The following PARG variants were observed in gnomAD, a reference collection of about 807,000 sequenced individuals.
The protein encoded by PARG is mitochondrial poly(ADP-ribose) glycohydrolase.
Under a neutral mutation model 113.0 loss-of-function variants are expected in PARG, and 35 were observed. That is an observed-to-expected ratio of 0.31 (90% CI 0.24 to 0.41). The LOEUF (loss-of-function observed/expected upper bound fraction) is 0.41. Ranked by LOEUF, PARG falls within the 10% of genes least tolerant of loss-of-function variation. PARG has a pLI of 1.00. For missense variants in PARG, 797 were observed against 1,169.4 expected, an observed-to-expected ratio of 0.68 and a Z score of 4.64; for synonymous variants, 330 against 409.9, an observed-to-expected ratio of 0.81 and a Z score of 2.36.
chr10:49,870,878 GA>G (rs1846760387), intron 9 of PARG, among the ~76,000 whole-genome samples: 1 of 71,180 alleles, frequency 1.4e-5, no homozygotes, highest in African/African-American at 5.2e-5. Flanking sequence ...CGCTGAGAGG[GA>G]AAAGTTAATT....
In PARG at chr10:49,828,092, C is replaced by CAAAAAAAAAAA. The variant is rs71026274; in HGVS notation, c.2647+4700_2647+4710dup. Among the ~76,000 whole-genome samples, 40 of 50,410 alleles carry CAAAAAAAAAAA rather than the reference C, an allele frequency of 7.9e-4. 12 individuals are homozygous for CAAAAAAAAAAA. Among genetic ancestry groups the CAAAAAAAAAAA allele is most frequent in the South Asian group, 2.0e-3 (2 of 1,022 alleles). The allele number at this position is 50,410 out of a possible 152,430, so 33.1% of individuals were successfully genotyped here. On this transcript the variant is annotated intron_variant, in intron 16 of 17. Coordinates refer to ENST00000616448, the MANE Select transcript of PARG (RefSeq NM_003631.5). Reference sequence around the variant, plus strand: ...TGAGACGAGATGTAGAAAGCTTAAACAAAAAAAAAAAAAAAAAAAAAAAAA... The same window carrying CAAAAAAAAAAA: ...TGAGACGAGATGTAGAAAGCTTAAACAAAAAAAAAAAAAAAAAAAAAAAAAAAAAAAAAAAA...
In PARG at chr10:49,846,746, ATGTGTGTGTG is replaced by A. The variant is rs35901101; in HGVS notation, c.2354-3124_2354-3115del. ...TATCAATATAAATTCACAGTTGTATATGTGTGTGTGTGTGTGTGTGTGTGTGTTTGTAACA... is the reference window on the plus strand; with the variant it reads ...TATCAATATAAATTCACAGTTGTATATGTGTGTGTGTGTGTGTTTGTAACA... On this transcript the variant is annotated intron_variant, in intron 13 of 17. Coordinates refer to ENST00000616448, the MANE Select transcript of PARG (RefSeq NM_003631.5). 1.6e-3 allele frequency among the ~76,000 whole-genome samples: 239 copies of A among 149,310 alleles called. 1 individual carries two copies. Among genetic ancestry groups the A allele is most frequent in the African/African-American group, 5.5e-3 (223 of 40,630 alleles).
Position 49,886,303 on chromosome 10 carries a change from C to G in PARG, c.1738-1008G>C, listed in dbSNP as rs2132657570. On this transcript the variant is annotated intron_variant, in intron 7 of 17. Coordinates refer to ENST00000616448, the MANE Select transcript of PARG (RefSeq NM_003631.5). Reference sequence around the variant, plus strand: ...ACAGACTCTTGACAAAAATCAGGAACTAAACTGAAATAAAGGTAAAACCAT... The same window carrying G: ...ACAGACTCTTGACAAAAATCAGGAAGTAAACTGAAATAAAGGTAAAACCAT... 3.3e-5 allele frequency among the ~76,000 whole-genome samples: 5 copies of G among 152,288 alleles called. No individual in the cohort carries two copies. In the South Asian group the frequency reaches 1.0e-3, roughly 32 times the overall value.
intron 7 of PARG, among the ~76,000 whole-genome samples, chr10:49,914,976 C>T (rs1249557432): frequency 6.6e-6 from 1 of 152,082 alleles, no homozygotes; most frequent in Non-Finnish European, 1.5e-5. Flanking sequence ...AATTGGACTT[C>T]TAATTTACAT....
intron 4 of PARG, among the ~76,000 whole-genome samples, chr10:49,928,156 A>G (rs539512307): frequency 7.2e-5 from 11 of 151,970 alleles, no homozygotes; most frequent in Admixed American, 1.3e-4. Context: ...CTGTAGTCCC[A>G]GCTACTTGGG....
chr10:49,869,581 T>G (rs1452138307), intron 9 of PARG, 26 bp from the exon 10 acceptor site: 11 of 1,055,910 alleles, frequency 1.0e-5, no homozygotes, highest in Non-Finnish European at 1.6e-5. Context: ...TAAAAGAGAA[T>G]GGAAGATAAG....
chr10:49,894,279 C>T (rs1263530701), intron 7 of PARG, among the ~76,000 whole-genome samples: 4 of 150,950 alleles, frequency 2.6e-5, no homozygotes, highest in Non-Finnish European at 5.9e-5. Context: ...TGTACTCCAG[C>T]GATCCCTCTG....
chr10:49,914,302 C>T (rs1433649312), intron 7 of PARG, among the ~76,000 whole-genome samples: 6 of 152,180 alleles, frequency 3.9e-5, no homozygotes, highest in African/African-American at 1.4e-4. Context: ...ACTTAAGTGA[C>T]AAGGATAACG....
chr10:49,866,912 A>G (rs1290643236), intron 10 of PARG, among the ~76,000 whole-genome samples: 4 of 151,894 alleles, frequency 2.6e-5, no homozygotes, highest in Non-Finnish European at 5.9e-5. Context: ...TTTTTAAAAT[A>G]CTTCAGTCTC....
At chr10:49,866,296 G>C (rs1282378266) in intron 10 of PARG, among the ~76,000 whole-genome samples, 1 of 151,644 alleles carries the variant, frequency 6.6e-6, no homozygotes, top group Non-Finnish European at 1.5e-5. Context: ...GGAACTATTA[G>C]TGATGACAGT....
At chr10:49,908,215 G>C (rs1836964925) in intron 7 of PARG, among the ~76,000 whole-genome samples, 1 of 152,102 alleles carries the variant, frequency 6.6e-6, no homozygotes, top group African/African-American at 2.4e-5. Context: ...GTTCCAATTG[G>C]AGTAATCTGT....
chr10:49,940,579 G>A (rs1251237696), intron 1 of PARG, among the ~76,000 whole-genome samples: 1 of 151,898 alleles, frequency 6.6e-6, no homozygotes, highest in Non-Finnish European at 1.5e-5. Flanking sequence ...GTGCAATGGT[G>A]CCCTCTCGGC....
Position 49,857,298 on chromosome 10 carries a change from A to G in PARG, c.2353+8T>C, listed in dbSNP as rs1564616408. ...ACTACCCCATTTTCCAGGCTTCCCA[A>G]AACTAACCTGTGATAATTAGACATT... On this transcript the variant is annotated splice_region_variant and intron_variant, in intron 13 of 17. Coordinates refer to ENST00000616448, the MANE Select transcript of PARG (RefSeq NM_003631.5). 2 of 1,082,860 alleles carry G rather than the reference A, an allele frequency of 1.8e-6. No individual in the cohort carries two copies. Among genetic ancestry groups the G allele is most frequent in the Admixed American group, 2.0e-5 (1 of 49,964 alleles). The allele number at this position is 1,082,860 out of a possible 1,614,324, so 67.1% of individuals were successfully genotyped here.
chr10:49,941,942 A>G lies in PARG; in HGVS notation c.-217T>C, dbSNP rs1839113005. Reference sequence around the variant, plus strand: ...CTTCCACTGGCACCCCACCTGCCTCAATGCGCCGCTTTGATTCGGGATTCG... The same window carrying G: ...CTTCCACTGGCACCCCACCTGCCTCGATGCGCCGCTTTGATTCGGGATTCG... On this transcript the variant is annotated 5_prime_UTR_variant, in exon 1 of 18. Transcript: ENST00000616448. The G allele has an allele frequency of 1.0e-6, 1 of 966,444 alleles. No homozygotes were observed. The highest frequency in any genetic ancestry group is 1.6e-6 in the Non-Finnish European group (1 of 620,630). 59.9% of individuals were successfully genotyped at this position (966,444 alleles called of 1,614,324 possible).
chr10:49,846,479 A>T (rs1203566600), intron 13 of PARG, among the ~76,000 whole-genome samples: 1 of 152,038 alleles, frequency 6.6e-6, no homozygotes, highest in Non-Finnish European at 1.5e-5. Flanking sequence ...CAATGTGTGT[A>T]AATTTTACTT....
At chr10:49,904,819 G>A (rs1381682591) in intron 7 of PARG, among the ~76,000 whole-genome samples, 2 of 152,120 alleles carry the variant, frequency 1.3e-5, no homozygotes, top group East Asian at 1.9e-4. Flanking sequence ...AGGAGGCTGA[G>A]GCAGGAGAAT....
In PARG at chr10:49,886,962, T is replaced by C. The variant is rs1847522645; in HGVS notation, c.1738-1667A>G. Reference sequence around the variant, plus strand: ...CAGGTATGCACTAAAGATACTGGCTTCTCTATATCTGAAATGTATGAAAAT... The same window carrying C: ...CAGGTATGCACTAAAGATACTGGCTCCTCTATATCTGAAATGTATGAAAAT... On this transcript the variant is annotated intron_variant, in intron 7 of 17. Coordinates refer to ENST00000616448, the MANE Select transcript of PARG (RefSeq NM_003631.5). Among the ~76,000 whole-genome samples, 3 of 152,168 alleles carry C rather than the reference T, an allele frequency of 2.0e-5. No homozygotes were observed. The South Asian group carries it at 6.2e-4, about 31-fold the overall frequency.
intron 7 of PARG, among the ~76,000 whole-genome samples, chr10:49,898,771 T>G (rs1554843305): frequency 6.6e-6 from 1 of 151,862 alleles, no homozygotes; most frequent in East Asian, 1.9e-4. Context: ...TATCTTTCCT[T>G]CTTAACTCCA....
At position 49,922,599 on chromosome 10, in the gene PARG, T is replaced by C. The variant is rs1554849622; in HGVS notation, c.1526A>G (p.Lys509Arg). The C allele has an allele frequency of 3.1e-6, 5 of 1,608,644 alleles. No homozygotes were observed. The South Asian group carries it at 5.5e-5, about 18-fold the overall frequency. Residue 509 changes from lysine (K) to arginine (R), a missense_variant, in exon 5 of 18, where the codon AAG becomes AGG. Physicochemically the swap from Lys to Arg is conservative, Grantham distance 26. Coordinates refer to ENST00000616448, the MANE Select transcript of PARG (RefSeq NM_003631.5). ...PTHYKDLWDN[K>R]HVKMPCSEQN... The stretch of plus-strand genomic sequence containing the variant: ...TTCTGAACAAGGCATTTTAACATGC[T>C]TGTTATCCCACAAATCTTTATAATG...
Sources: gnomAD v4.1 joint callset for allele counts (sites outside exome capture counted in the v4.1 genomes callset) on GRCh38, gnomAD v4.1.1 for gene constraint, MANE v1.5 for transcripts, NCBI Gene and HGNC (gene_info 2026-07-23, HGNC 2026-07-21) for gene names.